IPCEF1: variants seen among roughly 807,000 people sequenced by gnomAD.
The protein encoded by IPCEF1 is interaction protein for cytohesin exchange factors 1.
IPCEF1 carries 31 observed loss-of-function variants against 50.9 expected under a neutral mutation model. The observed-to-expected ratio is 0.61, with a 90% confidence interval of 0.46 to 0.82. IPCEF1 has a LOEUF of 0.82. Ranked by LOEUF, IPCEF1 falls within the 40% of genes least tolerant of loss-of-function variation. The pLI, the probability that IPCEF1 is intolerant of heterozygous loss-of-function variation, is 0.00. For missense variants in IPCEF1, 458 were observed against 514.0 expected (o/e 0.89, Z 1.05); for synonymous variants, 181 against 192.0 (o/e 0.94, Z 0.47).
chr6:154,356,217 T>C (rs1252547031), intron 1 of IPCEF1, among the ~76,000 whole-genome samples: 1 of 152,210 alleles, frequency 6.6e-6, no homozygotes, highest in East Asian at 1.9e-4. Flanking sequence ...AGAGATATTT[T>C]GGCAAGCCTG....
intron 1 of IPCEF1, among the ~76,000 whole-genome samples, chr6:154,328,033 G>T (rs578199421): frequency 8.5e-5 from 13 of 152,210 alleles, no homozygotes; most frequent in African/African-American, 3.1e-4. Context: ...TGGACACATG[G>T]GGGCTAACAA....
At chr6:154,204,564 G>T (rs1172629318) in intron 9 of IPCEF1, among the ~76,000 whole-genome samples, 1 of 152,118 alleles carries the variant, frequency 6.6e-6, no homozygotes, top group Non-Finnish European at 1.5e-5. Context: ...CCTTGTAATA[G>T]TACACTCCTT....
intron 1 of IPCEF1, among the ~76,000 whole-genome samples, chr6:154,346,260 GTATT>G (rs141610385): frequency 0.21 from 31,278 of 151,924 alleles, 3,487 homozygotes; most frequent in African/African-American, 0.26. Context: ...ATCATGAAAA[GTATT>G]TATCTTCTCC....
chr6:154,219,929 T>C (rs1778717421), intron 7 of IPCEF1, among the ~76,000 whole-genome samples: 1 of 150,876 alleles, frequency 6.6e-6, no homozygotes, highest in Admixed American at 6.6e-5. Context: ...GAGGTGAGGA[T>C]AGGGGACAGA....
intron 9 of IPCEF1, among the ~76,000 whole-genome samples, chr6:154,204,757 A>G (rs1562539935): frequency 6.6e-6 from 1 of 152,196 alleles, no homozygotes; most frequent in Non-Finnish European, 1.5e-5. Context: ...AACCACAGAT[A>G]GAGTATTTCT....
intron 3 of IPCEF1, among the ~76,000 whole-genome samples, chr6:154,263,897 G>A (rs58766273): frequency 3.8e-4 from 19 of 49,424 alleles, no homozygotes; most frequent in South Asian, 2.0e-3. Flanking sequence ...CCTCCCTCCC[G>A]GACGGGGCGG....
intron 11 of IPCEF1, among the ~76,000 whole-genome samples, chr6:154,167,047 C>T (rs866682442): frequency 6.6e-5 from 10 of 152,322 alleles, no homozygotes; most frequent in Admixed American, 1.3e-4. Context: ...GCCACTCAGC[C>T]TGCCTTTGTA....
At chr6:154,167,319 T>C (rs997813) in intron 11 of IPCEF1, among the ~76,000 whole-genome samples, 23,145 of 152,188 alleles carry the variant, frequency 0.15, 2,043 homozygotes, top group East Asian at 0.41. Context: ...GTACTTCCTG[T>C]ACACTTTCCC....
At chr6:154,342,372 T>C (rs1215374228) in intron 1 of IPCEF1, among the ~76,000 whole-genome samples, 3 of 152,228 alleles carry the variant, frequency 2.0e-5, no homozygotes. Context: ...ATGTAAAATG[T>C]AGATTTCTGG....
At chr6:154,269,090 C>T (rs1781831993) in intron 2 of IPCEF1, among the ~76,000 whole-genome samples, 1 of 152,130 alleles carries the variant, frequency 6.6e-6, no homozygotes, top group Non-Finnish European at 1.5e-5. Flanking sequence ...TTATTTGCTG[C>T]TGTGTCCTCA....
rs779968845 is a variant in IPCEF1 at position 154,244,303 on chromosome 6, T to TGG, written c.246+2287_246+2288insCC. ...AAGATTCGGTGTGTGTGTGGGTGGG[T>TGG]GTGTGTGTGTGTGTGTGTGTGTGTT... On this transcript the variant is annotated intron_variant, in intron 5 of 11. Coordinates refer to ENST00000367220, the MANE Select transcript of IPCEF1 (RefSeq NM_001130700.2). 4.9e-3 allele frequency among the ~76,000 whole-genome samples: 693 copies of TGG among 140,768 alleles called. 5 individuals carry two copies. Among genetic ancestry groups the TGG allele is most frequent in the African/African-American group, 0.016 (551 of 35,038 alleles). The allele number at this position is 140,768 out of a possible 152,430, so 92.3% of individuals were successfully genotyped here.
At chr6:154,247,357 A>G in intron 4 of IPCEF1, 92 bp downstream of exon 4, 1 of 1,002,882 alleles carries the variant, frequency 1.0e-6, no homozygotes, top group Non-Finnish European at 1.6e-6. Context: ...ATTAAGACAG[A>G]CAGAAATCTG....
chr6:154,340,611 C>T (rs560548124), intron 1 of IPCEF1, among the ~76,000 whole-genome samples: 13 of 151,466 alleles, frequency 8.6e-5, no homozygotes, highest in East Asian at 4.0e-4. Context: ...AAGGGCCAGG[C>T]GCGGTGACTC....
chr6:154,316,334 G>A (rs1057261950), intron 1 of IPCEF1, among the ~76,000 whole-genome samples: 5 of 152,100 alleles, frequency 3.3e-5, no homozygotes, highest in African/African-American at 1.2e-4. Context: ...AAAAATTAAG[G>A]TGACTCACTT....
At chr6:154,328,394 C>T (rs116349246) in intron 1 of IPCEF1, among the ~76,000 whole-genome samples, 1 of 152,036 alleles carries the variant, frequency 6.6e-6, no homozygotes, top group Non-Finnish European at 1.5e-5. Flanking sequence ...AAAAAATATT[C>T]CCCACCTTGG....
At chr6:154,290,313 A>G (rs866921) in intron 1 of IPCEF1, among the ~76,000 whole-genome samples, 105,456 of 152,012 alleles carry the variant, frequency 0.69, 36,983 homozygotes, top group African/African-American at 0.8. Flanking sequence ...AGGCCATTGC[A>G]CATGCGGAAA....
At chr6:154,202,133 G>C (rs1172402750) in intron 9 of IPCEF1, among the ~76,000 whole-genome samples, 1 of 152,188 alleles carries the variant, frequency 6.6e-6, no homozygotes. Context: ...TTCCATGCTA[G>C]ACACGGATTG....
chr6:154,273,652 C>T (rs950495375), intron 2 of IPCEF1, among the ~76,000 whole-genome samples: 8 of 145,806 alleles, frequency 5.5e-5, no homozygotes, highest in African/African-American at 2.0e-4. Flanking sequence ...TGTTCAGGAA[C>T]TTTATGAAGG....
chr6:154,354,404 TCTCCACCACCAC>T (rs1218198036), intron 1 of IPCEF1, among the ~76,000 whole-genome samples: 13 of 20,738 alleles, frequency 6.3e-4, no homozygotes, highest in African/African-American at 1.7e-3. Context: ...CCAACCACCA[TCTCCACCACCAC>T]CTCCACCACC....
Sources: allele counts gnomAD v4.1 joint callset (sites outside exome capture counted in the v4.1 genomes callset), GRCh38; gene constraint gnomAD v4.1.1; transcripts MANE v1.5; gene names NCBI Gene and HGNC (gene_info 2026-07-23, HGNC 2026-07-21).